Variants in RUFY2 observed in about 807,000 individuals in gnomAD.
RUFY2 encodes the protein RUN and FYVE domain-containing protein 2.
In RUFY2, 49 loss-of-function variants were observed where a neutral mutation model predicts 94.4. The observed-to-expected ratio is 0.52, with a 90% CI of 0.41 to 0.66. The LOEUF (loss-of-function observed/expected upper bound fraction) is 0.66. Among genes scored for constraint, RUFY2 ranks in the 30% least tolerant of loss-of-function variants. RUFY2 has a pLI of 0.00. For synonymous variants in RUFY2, 255 were observed against 235.7 expected (o/e 1.08, Z -0.75); for missense variants, 541 against 692.8 (o/e 0.78, Z 2.46).
intron 15 of RUFY2, 122 bp downstream of exon 15, chr10:68,363,468 C>A (rs1413242730): frequency 2.2e-5 from 13 of 601,788 alleles, no homozygotes; most frequent in Non-Finnish European, 3.0e-5. Context: ...GCGTGAACCA[C>A]CGCGCCCGGC....
chr10:68,372,029 A>G (rs970543851), intron 13 of RUFY2, among the ~76,000 whole-genome samples: 1 of 152,146 alleles, frequency 6.6e-6, no homozygotes, highest in African/African-American at 2.4e-5. Context: ...GGTGGCTCAC[A>G]CCTGTAATCC....
At chr10:68,388,483 T>G (rs1434204854) in intron 7 of RUFY2, among the ~76,000 whole-genome samples, 1 of 152,108 alleles carries the variant, frequency 6.6e-6, no homozygotes, top group Non-Finnish European at 1.5e-5. Context: ...TCTACTTTTT[T>G]TCTATATGTT....
At chr10:68,360,028 G>A (rs945658228) in intron 15 of RUFY2, among the ~76,000 whole-genome samples, 1 of 152,026 alleles carries the variant, frequency 6.6e-6, no homozygotes. Flanking sequence ...GTTTCACCAC[G>A]TTGGCCAGGC....
intron 16 of RUFY2, among the ~76,000 whole-genome samples, chr10:68,352,058 A>G (rs2046717344): frequency 6.6e-6 from 1 of 151,418 alleles, no homozygotes; most frequent in Admixed American, 6.6e-5. Context: ...CTGTCTCAAA[A>G]AAAAAAAAAA....
At chr10:68,399,286 T>C (rs1408054907) in intron 3 of RUFY2, among the ~76,000 whole-genome samples, 2 of 152,158 alleles carry the variant, frequency 1.3e-5, no homozygotes, top group African/African-American at 4.8e-5. Flanking sequence ...GCTCAGGCAA[T>C]CCACCCATCT....
rs543210732 is a variant in RUFY2, at chr10:68,343,421, G to T, written c.*2347C>A. Reference sequence around the variant, plus strand: ...ACACCACCTGTCTTTTTTGAAAGTTGTATGTGTTTTATTTTCCCAGGATTA... The same window carrying T: ...ACACCACCTGTCTTTTTTGAAAGTTTTATGTGTTTTATTTTCCCAGGATTA... On this transcript the variant is annotated 3_prime_UTR_variant, in exon 18 of 18. Coordinates refer to ENST00000602465, the MANE Select transcript of RUFY2 (RefSeq NM_001330103.2). 6.6e-6 allele frequency: 1 copy of T among 152,600 alleles called. No homozygotes were observed. Among genetic ancestry groups the T allele is most frequent in the East Asian group, 1.9e-4 (1 of 5,184 alleles). The allele number at this position is 152,600 out of a possible 1,614,324, so 9.5% of individuals were successfully genotyped here.
At chr10:68,397,146 G>GA (rs1484284859) in intron 3 of RUFY2, among the ~76,000 whole-genome samples, 1 of 152,132 alleles carries the variant, frequency 6.6e-6, no homozygotes, top group African/African-American at 2.4e-5. Flanking sequence ...GATACTTTCA[G>GA]AAAAATGCGT....
At chr10:68,369,099 A>AC (rs2048067164) in intron 13 of RUFY2, among the ~76,000 whole-genome samples, 1 of 151,936 alleles carries the variant, frequency 6.6e-6, no homozygotes, top group Admixed American at 6.6e-5. Flanking sequence ...AACCTTCCTA[A>AC]CCCCCAGCAG....
chr10:68,384,872 C>G (rs578201112), intron 8 of RUFY2, among the ~76,000 whole-genome samples: 2 of 152,288 alleles, frequency 1.3e-5, no homozygotes, highest in Non-Finnish European at 2.9e-5. Context: ...TAGTGAGTAG[C>G]TCTATAATGG....
chr10:68,402,100 G>A (rs2050892825), intron 2 of RUFY2, among the ~76,000 whole-genome samples: 1 of 151,214 alleles, frequency 6.6e-6, no homozygotes, highest in Non-Finnish European at 1.5e-5. Flanking sequence ...CAAATAAAAA[G>A]TTATTTTATT....
chr10:68,360,490 T>A (rs922167116), intron 15 of RUFY2, among the ~76,000 whole-genome samples: 1 of 152,022 alleles, frequency 6.6e-6, no homozygotes, highest in Non-Finnish European at 1.5e-5. Flanking sequence ...ACGCCTGTAA[T>A]CCCAGCACTT....
At position 68,378,121 on chromosome 10, in the gene RUFY2, T is replaced by C. The variant is rs1031433937; in HGVS notation, c.1206-1149A>G. The C allele has an allele frequency of 1.0e-5, 10 of 985,584 alleles. No individual in the cohort carries two copies. The African/African-American group carries it at 1.0e-4, about 10-fold the overall frequency. The allele number at this position is 985,584 out of a possible 1,614,324, so 61.1% of individuals were successfully genotyped here. A position where few individuals can be genotyped will look rare whatever the true frequency, so the allele number is the denominator to read the frequency against. ...AACTGAGAAGCTGAAGCACAGGGTG[T>C]TGGCCAGTCTGGGTTATAAATTATT... is the stretch of plus-strand genomic sequence containing the variant. On this transcript the variant is annotated intron_variant, in intron 12 of 17. Coordinates refer to ENST00000602465, the MANE Select transcript of RUFY2 (RefSeq NM_001330103.2).
At chr10:68,368,026 C>T (rs960633065) in intron 13 of RUFY2, among the ~76,000 whole-genome samples, 3 of 148,214 alleles carry the variant, frequency 2.0e-5, no homozygotes, top group Non-Finnish European at 4.4e-5. Flanking sequence ...AGTGAAGTGG[C>T]GTGACCTCAG....
At position 68,396,950 on chromosome 10, in the gene RUFY2, T is replaced by C; in HGVS notation, c.297-69A>G. 6.0e-6 allele frequency: 6 copies of C among 1,003,206 alleles called. No homozygotes were observed. In the Middle Eastern group the frequency reaches 6.4e-4, roughly 107 times the overall value. The allele number at this position is 1,003,206 out of a possible 1,614,324, so 62.1% of individuals were successfully genotyped here. A position where few individuals can be genotyped will look rare whatever the true frequency, so the allele number is the denominator to read the frequency against. Reference sequence around the variant, plus strand: ...AGATCACATCTTCTGTCTCTAGAGGTAAACATTAACAAGGAAAAAGGGCAT... The same window carrying C: ...AGATCACATCTTCTGTCTCTAGAGGCAAACATTAACAAGGAAAAAGGGCAT... On this transcript the variant is annotated intron_variant, in intron 3 of 17. Coordinates refer to ENST00000602465, the MANE Select transcript of RUFY2 (RefSeq NM_001330103.2).
chr10:68,344,556 C>G lies in RUFY2; in HGVS notation c.*1212G>C, dbSNP rs1158615263. The G allele has an allele frequency of 6.6e-6, 1 of 152,214 alleles. No individual in the cohort carries two copies. The highest frequency in any genetic ancestry group is 1.5e-5 in the Non-Finnish European group (1 of 68,126). 9.4% of individuals were successfully genotyped at this position (152,214 alleles called of 1,614,324 possible). On this transcript the variant is annotated 3_prime_UTR_variant, in exon 18 of 18. Coordinates refer to ENST00000602465, the MANE Select transcript of RUFY2 (RefSeq NM_001330103.2). Reference sequence around the variant, plus strand: ...CTTGAAATAGGTCAAGTGTACTGGCCAGGTGCTGTGGCTCACGCCTGTAAT... The same window carrying G: ...CTTGAAATAGGTCAAGTGTACTGGCGAGGTGCTGTGGCTCACGCCTGTAAT...
At chr10:68,341,868 C>A, downstream of RUFY2, 3 of 1,600,598 alleles carry the variant, frequency 1.9e-6, no homozygotes, top group Non-Finnish European at 2.6e-6. Flanking sequence ...ATCTCTAGTT[C>A]AGTTTGTGTT....
intron 4 of RUFY2, among the ~76,000 whole-genome samples, chr10:68,396,405 C>G (rs987319338): frequency 6.6e-6 from 1 of 151,464 alleles, no homozygotes; most frequent in Non-Finnish European, 1.5e-5. Context: ...GAAATTAAAG[C>G]CACAAATTCC....
chr10:68,353,897 G>C (rs753568752), intron 16 of RUFY2, among the ~76,000 whole-genome samples: 6 of 151,966 alleles, frequency 3.9e-5, no homozygotes, highest in Non-Finnish European at 7.4e-5. Flanking sequence ...AGACCAGAAA[G>C]ACCAAAATGA....
intron 12 of RUFY2, chr10:68,378,765 AG>A: frequency 1.2e-6 from 1 of 809,512 alleles, no homozygotes; most frequent in Non-Finnish European, 1.9e-6. Context: ...AAAAGAAAAA[AG>A]AAGAAAGAGG....
Sources: gnomAD v4.1 joint callset for allele counts (sites outside exome capture counted in the v4.1 genomes callset) on GRCh38, gnomAD v4.1.1 for gene constraint, MANE v1.5 for transcripts, NCBI Gene and HGNC (gene_info 2026-07-23, HGNC 2026-07-21) for gene names.